The following ADGRG5 variants were observed in gnomAD, a reference collection of about 807,000 sequenced individuals.
ADGRG5 encodes adhesion G protein-coupled receptor G5.
Under a neutral mutation model 53.2 loss-of-function variants are expected in ADGRG5, and 37 were observed. The ratio of observed to expected loss-of-function variants is 0.70; its 90% CI spans 0.53 to 0.91. The LOEUF is 0.91. Among genes scored for constraint, ADGRG5 ranks in the 40% least tolerant of loss-of-function variants. ADGRG5 has a pLI of 0.00. For missense variants in ADGRG5, 614 were observed against 675.8 expected (o/e 0.91, Z 1.01); for synonymous variants, 277 against 290.4 (o/e 0.95, Z 0.47).
At chr16:57,538,949 T>C (rs2032448909), upstream of ADGRG5, among the ~76,000 whole-genome samples, 1 of 152,174 alleles carries the variant, frequency 6.6e-6, no homozygotes, top group East Asian at 1.9e-4. Context: ...AAATAAATAG[T>C]ATGCAAATAA....
intron 1 of ADGRG5, among the ~76,000 whole-genome samples, chr16:57,560,371 A>G (rs1312377365): frequency 2.0e-5 from 3 of 152,254 alleles, no homozygotes; most frequent in Non-Finnish European, 4.4e-5. Context: ...TGACCATTCA[A>G]GAGAGGAGCA....
chr16:57,530,260 G>T, the ADGRG5 span, among the ~76,000 whole-genome samples: 1 of 152,114 alleles, frequency 6.6e-6, no homozygotes, highest in African/African-American at 2.4e-5. Context: ...GCCCAGCACT[G>T]GGCTCTGCCA....
the ADGRG5 span, among the ~76,000 whole-genome samples, chr16:57,531,232 C>T: frequency 8.6e-5 from 13 of 151,994 alleles, no homozygotes; most frequent in African/African-American, 3.1e-4. Context: ...CCTCCATTCC[C>T]CCCGTGACCA....
chr16:57,570,069 C>T (rs2033305731), intron 9 of ADGRG5, among the ~76,000 whole-genome samples: 1 of 152,214 alleles, frequency 6.6e-6, no homozygotes. Context: ...CTATCTCCAG[C>T]AGCACCATCA....
chr16:57,561,266 T>A (rs1308923881), intron 1 of ADGRG5, among the ~76,000 whole-genome samples: 1 of 152,254 alleles, frequency 6.6e-6, no homozygotes, highest in Non-Finnish European at 1.5e-5. Context: ...TGCCACCTAC[T>A]TGTAGCCTCC....
chr16:57,552,028 C>A (rs977234438), intron 1 of ADGRG5, among the ~76,000 whole-genome samples: 3 of 146,222 alleles, frequency 2.1e-5, no homozygotes, highest in African/African-American at 7.4e-5. Flanking sequence ...TGAAATAAAT[C>A]TTTTTTTTTT....
At chr16:57,550,607 T>G (rs1429796828) in intron 1 of ADGRG5, among the ~76,000 whole-genome samples, 2 of 152,220 alleles carry the variant, frequency 1.3e-5, no homozygotes, top group African/African-American at 4.8e-5. Context: ...TTTTCTTTTT[T>G]GTTTTTTCCA....
chr16:57,562,367 G>A lies in ADGRG5; in HGVS notation c.65-17G>A, dbSNP rs2146794552. The A allele has an allele frequency of 6.3e-7, 1 of 1,596,332 alleles. No homozygotes were observed. The highest frequency in any genetic ancestry group is 1.1e-5 in the South Asian group (1 of 88,666). ...GGCAGTTGAGACACAAACTGAGGGG[G>A]AGGTGTGTCCCCACAGAGACATGGG... On this transcript the variant is annotated splice_polypyrimidine_tract_variant and intron_variant, in intron 2 of 11. Transcript: ENST00000349457.
chr16:57,539,867 G>A (rs756851780), upstream of ADGRG5, among the ~76,000 whole-genome samples: 2 of 151,990 alleles, frequency 1.3e-5, no homozygotes, highest in Non-Finnish European at 2.9e-5. Context: ...AAAGTCAGAC[G>A]TCCTGTTTTG....
intron 1 of ADGRG5, among the ~76,000 whole-genome samples, chr16:57,553,390 G>T (rs530995556): frequency 5.1e-4 from 77 of 152,196 alleles, no homozygotes; most frequent in Non-Finnish European, 8.4e-4. Flanking sequence ...TTTTTTGTTG[G>T]CATGAGATAT....
rs113319907 is a variant in ADGRG5, at chr16:57,574,449, G to A, written c.1209-366G>A. On this transcript the variant is annotated intron_variant, in intron 10 of 11. Coordinates refer to ENST00000349457, the MANE Select transcript of ADGRG5 (RefSeq NM_001304376.3). The surrounding 1 kb of genome is among the most constrained non-coding windows in gnomAD (Gnocchi z 4.4). ...GGAAGTTTCCAGGAAAGAGGGCTCC[G>A]GGCCAAGGATCCAATAGAAGATGGG... is the stretch of plus-strand genomic sequence containing the variant. Among the ~76,000 whole-genome samples, 181 of 152,344 alleles carry A rather than the reference G, an allele frequency of 1.2e-3. 1 individual carries two copies. Among genetic ancestry groups the A allele is most frequent in the African/African-American group, 4.0e-3 (166 of 41,574 alleles).
Position 57,575,065 on chromosome 16 carries a change from C to G in ADGRG5, c.1459C>G (p.Leu487Val), listed in dbSNP as rs761027016. ...FGVFLLPQLF[L>V]FTILNSLYGF... is the part of the protein sequence containing the mutation. ...CGTCTTCCTGCTGCCCCAGCTGTTC[C>G]TCTTCACCATCTTAAACTCGCTCTA... The change falls in exon 11 of 12, where the codon CTC becomes GTC. Residue 487 changes from leucine (L) to valine (V), a missense_variant. By Grantham distance (32) the Leu-to-Val change is conservative. Coordinates refer to ENST00000349457, the MANE Select transcript of ADGRG5 (RefSeq NM_001304376.3). The G allele has an allele frequency of 2.2e-5, 35 of 1,613,514 alleles. No individual in the cohort carries two copies. Among genetic ancestry groups the G allele is most frequent in the Admixed American group, 1.7e-5 (1 of 59,984 alleles).
intron 4 of ADGRG5, 120 bp from the exon 5 acceptor site, chr16:57,563,728 A>T (rs1230675809): frequency 7.9e-7 from 1 of 1,266,294 alleles, no homozygotes; most frequent in African/African-American, 1.5e-5. Context: ...GCCTGGGGGG[A>T]GAAGGTTCTG....
chr16:57,543,278 C>CTTTTTTTTTTT (rs3030608), intron 1 of ADGRG5: 1 of 81,498 alleles, frequency 1.2e-5, no homozygotes, highest in African/African-American at 4.8e-5. Flanking sequence ...TTTCTTAGGG[C>CTTTTTTTTTTT]TTTTTTTTTT....
At chr16:57,547,548 G>GA (rs2032648523) in intron 1 of ADGRG5, among the ~76,000 whole-genome samples, 1 of 152,128 alleles carries the variant, frequency 6.6e-6, no homozygotes, top group Non-Finnish European at 1.5e-5. Flanking sequence ...GGGTTCAAGC[G>GA]ATTCTCCTGC....
At chr16:57,532,185 G>A in the ADGRG5 span, among the ~76,000 whole-genome samples, 175 of 152,262 alleles carry the variant, frequency 1.1e-3, 2 homozygotes, top group Admixed American at 5.2e-4. Context: ...CCCTATACCC[G>A]AGAGAGTCAT....
At chr16:57,564,954 T>C (rs2033095648) in intron 5 of ADGRG5, 80 bp from the exon 6 acceptor site, 2 of 774,278 alleles carry the variant, frequency 2.6e-6, no homozygotes, top group South Asian at 3.2e-5. Flanking sequence ...CTTGTTCTCA[T>C]CCAGGGAAGC....
chr16:57,554,741 T>A (rs2032843844), intron 1 of ADGRG5, among the ~76,000 whole-genome samples: 1 of 152,218 alleles, frequency 6.6e-6, no homozygotes, highest in Non-Finnish European at 1.5e-5. Flanking sequence ...CTTTTTATAT[T>A]TATTAAGGTG....
In ADGRG5 at chr16:57,567,484, C is replaced by T. The variant is rs1206738159; in HGVS notation, c.714C>T (p.Ala238=). 3 of 1,609,610 alleles carry T rather than the reference C, an allele frequency of 1.9e-6. No homozygotes were observed. Among genetic ancestry groups the T allele is most frequent in the Non-Finnish European group, 2.5e-6 (3 of 1,179,918 alleles). The change falls in exon 8 of 12, where the codon GCC becomes GCT. Residue 238 remains alanine (A), a synonymous_variant. Coordinates refer to ENST00000349457, the MANE Select transcript of ADGRG5 (RefSeq NM_001304376.3). ...CCCTCCTGCAGCAACTCTCCCCAGC[C>T]CTGGTCCCTGCAGAGTTGCTGGCAC... is the stretch of plus-strand genomic sequence containing the variant. ...YFAVLMQLSP[A]LVPAELLAPL... is the part of the protein sequence containing the mutation.
Sources: allele counts gnomAD v4.1 joint callset (sites outside exome capture counted in the v4.1 genomes callset), GRCh38; gene constraint gnomAD v4.1.1; non-coding constraint Gnocchi (gnomAD v3.1); transcripts MANE v1.5; gene names NCBI Gene and HGNC (gene_info 2026-07-23, HGNC 2026-07-21).